KCNQ5: variants seen among roughly 807,000 people sequenced by gnomAD.
The protein encoded by KCNQ5 is potassium voltage-gated channel subfamily Q member 5, also known as potassium voltage-gated channel subfamily KQT member 5.
A neutral mutation model predicts 98.2 loss-of-function variants in KCNQ5; 30 were observed. That is an observed-to-expected ratio of 0.31 (90% CI 0.23 to 0.41). The LOEUF is 0.41. KCNQ5 is among the 10% of genes least tolerant of loss of function. The pLI is 1.00. For missense variants in KCNQ5, 835 were observed against 1,182.5 expected (o/e 0.71, Z 4.31); for synonymous variants, 458 against 449.4 (o/e 1.02, Z -0.24).
At chr6:72,962,416 T>G (rs529962066) in intron 1 of KCNQ5, among the ~76,000 whole-genome samples, 1 of 151,598 alleles carries the variant, frequency 6.6e-6, no homozygotes, top group African/African-American at 2.4e-5. Context: ...AAGTGATGGG[T>G]GCACTAAAAT....
At chr6:73,106,423 C>T (rs1775003949) in intron 6 of KCNQ5, among the ~76,000 whole-genome samples, 2 of 152,188 alleles carry the variant, frequency 1.3e-5, no homozygotes, top group African/African-American at 4.8e-5. Flanking sequence ...ACAAGTACCA[C>T]AGACTGGGTG....
chr6:72,818,741 T>C (rs2150111474), intron 1 of KCNQ5, among the ~76,000 whole-genome samples: 1 of 151,264 alleles, frequency 6.6e-6, no homozygotes, highest in African/African-American at 2.4e-5. Context: ...TTATAAAGTA[T>C]GTATTATTTT....
At chr6:72,712,743 ACCT>A (rs751702672) in intron 1 of KCNQ5, among the ~76,000 whole-genome samples, 2 of 152,214 alleles carry the variant, frequency 1.3e-5, no homozygotes, top group East Asian at 3.9e-4. Flanking sequence ...TTGCTTTACT[ACCT>A]CCTCCTGTTA....
In KCNQ5 at chr6:72,986,152, C is replaced by T. The variant is rs561366776; in HGVS notation, c.399-17756C>T. ...GGCTGAGACAGGAGAATCGCTTGAA[C>T]CCAGCAGGCAGAAGTTGCAGTGAGC... On this transcript the variant is annotated intron_variant, in intron 1 of 13. Coordinates refer to ENST00000370398, the MANE Select transcript of KCNQ5 (RefSeq NM_019842.4). 3.3e-5 allele frequency among the ~76,000 whole-genome samples: 5 copies of T among 152,254 alleles called. No individual in the cohort carries two copies. In the East Asian group the frequency reaches 9.6e-4, roughly 29 times the overall value.
chr6:72,995,068 G>T lies in KCNQ5; in HGVS notation c.399-8840G>T, dbSNP rs151138592. Reference sequence around the variant, plus strand: ...ATTCTAGATAGAATATTAAGCAAATGATTTATAATAAATTTGAGGGCCAGG... The same window carrying T: ...ATTCTAGATAGAATATTAAGCAAATTATTTATAATAAATTTGAGGGCCAGG... On this transcript the variant is annotated intron_variant, in intron 1 of 13. Transcript: ENST00000370398. Among the ~76,000 whole-genome samples the T allele has an allele frequency of 1.8e-3, 274 of 152,164 alleles. 1 individual carries two copies. The highest frequency in any genetic ancestry group is 6.3e-3 in the African/African-American group (261 of 41,500).
At chr6:73,183,488 C>T (rs116903280) in intron 11 of KCNQ5, among the ~76,000 whole-genome samples, 4,369 of 152,186 alleles carry the variant, frequency 0.029, 96 homozygotes, top group East Asian at 0.1. Flanking sequence ...CCTTTGTATC[C>T]CCGCCATCCA....
At chr6:72,661,129 A>T (rs1766502822) in intron 1 of KCNQ5, among the ~76,000 whole-genome samples, 1 of 152,064 alleles carries the variant, frequency 6.6e-6, no homozygotes, top group African/African-American at 2.4e-5. Flanking sequence ...CATTTTATAT[A>T]TATATAGATA....
intron 1 of KCNQ5, among the ~76,000 whole-genome samples, chr6:72,961,333 G>A (rs1019737739): frequency 5.3e-5 from 8 of 152,062 alleles, no homozygotes. Context: ...GAGTGGACTG[G>A]AGGCCGGGTG....
chr6:72,837,780 TTA>T (rs946390426), intron 1 of KCNQ5, among the ~76,000 whole-genome samples: 2 of 137,480 alleles, frequency 1.5e-5, no homozygotes, highest in Non-Finnish European at 3.4e-5. Flanking sequence ...TTTAAACATG[TTA>T]TATATACATG....
intron 10 of KCNQ5, chr6:73,134,140 A>C (rs983048065): frequency 3.1e-6 from 1 of 320,992 alleles, no homozygotes; most frequent in Admixed American, 3.9e-5. Flanking sequence ...TATCTTCCTT[A>C]GAGAGGTTCC....
At chr6:73,043,242 T>G (rs1771798882) in intron 3 of KCNQ5, 1 of 276,922 alleles carries the variant, frequency 3.6e-6, no homozygotes, top group African/African-American at 2.2e-5. Flanking sequence ...CTCCACTTAT[T>G]AAACCAGAAT....
chr6:72,862,155 C>A (rs979992358), intron 1 of KCNQ5, among the ~76,000 whole-genome samples: 1 of 152,174 alleles, frequency 6.6e-6, no homozygotes, highest in Non-Finnish European at 1.5e-5. Flanking sequence ...AGGGACCTGT[C>A]TGTCTAGCAC....
intron 1 of KCNQ5, among the ~76,000 whole-genome samples, chr6:72,902,305 C>T (rs1469655159): frequency 1.3e-5 from 2 of 152,168 alleles, no homozygotes; most frequent in African/African-American, 2.4e-5. Context: ...AGTTTGACTT[C>T]CTCTTTAATG....
chr6:72,986,861 C>G, intron 1 of KCNQ5: 1 of 969,976 alleles, frequency 1.0e-6, no homozygotes, highest in Non-Finnish European at 1.7e-6. Flanking sequence ...AGTCCAGAAC[C>G]CTTGGTTCTG....
At chr6:72,840,243 A>C (rs1776731379) in intron 1 of KCNQ5, among the ~76,000 whole-genome samples, 1 of 152,206 alleles carries the variant, frequency 6.6e-6, no homozygotes, top group African/African-American at 2.4e-5. Context: ...TCTCTTTGAC[A>C]TACTGATTTC....
intron 2 of KCNQ5, among the ~76,000 whole-genome samples, chr6:73,025,651 AAAAAAAAAT>A (rs1160158190): frequency 2.1e-4 from 5 of 24,202 alleles, no homozygotes; most frequent in South Asian, 8.8e-3. Context: ...AAAAAAAAAA[AAAAAAAAAT>A]TCAAGTGTTC....
intron 2 of KCNQ5, 142 bp from the exon 3 acceptor site, chr6:73,041,794 G>A: frequency 1.1e-6 from 1 of 901,248 alleles, no homozygotes; most frequent in East Asian, 2.4e-5. Context: ...TTGATCTGGA[G>A]AAAGGAAATG....
At chr6:72,772,299 C>A (rs1264104607) in intron 1 of KCNQ5, among the ~76,000 whole-genome samples, 1 of 152,004 alleles carries the variant, frequency 6.6e-6, no homozygotes, top group Non-Finnish European at 1.5e-5. Flanking sequence ...ATTGCAATAG[C>A]CTCTAATAGC....
At chr6:72,856,889 C>T (rs1313064614) in intron 1 of KCNQ5, among the ~76,000 whole-genome samples, 1 of 152,200 alleles carries the variant, frequency 6.6e-6, no homozygotes, top group Admixed American at 6.5e-5. Context: ...CCAGACCCTG[C>T]CCCTCCCCCG....
Sources: gnomAD v4.1 joint callset for allele counts (sites outside exome capture counted in the v4.1 genomes callset) on GRCh38, gnomAD v4.1.1 for gene constraint, MANE v1.5 for transcripts, NCBI Gene and HGNC (gene_info 2026-07-23, HGNC 2026-07-21) for gene names.